CPVL: variants seen among roughly 807,000 people sequenced by gnomAD.
CPVL encodes the protein carboxypeptidase vitellogenic like.
Under a neutral mutation model 63.7 loss-of-function variants are expected in CPVL, and 51 were observed. The ratio of observed to expected loss-of-function variants is 0.80; its 90% CI spans 0.64 to 1.01. The LOEUF is 1.01. Among genes scored for constraint, CPVL ranks in the 50% least tolerant of loss-of-function variants. The pLI is 0.00. For missense variants in CPVL, 530 were observed against 573.1 expected (o/e 0.92, Z 0.77); for synonymous variants, 195 against 206.0 (o/e 0.95, Z 0.46).
At chr7:29,032,997 T>C (rs1788177679) in intron 11 of CPVL, among the ~76,000 whole-genome samples, 1 of 152,226 alleles carries the variant, frequency 6.6e-6, no homozygotes, top group Non-Finnish European at 1.5e-5. Flanking sequence ...ACCAACTCTC[T>C]GGACCAAGAA....
intron 12 of CPVL, among the ~76,000 whole-genome samples, chr7:29,005,678 C>T (rs188847574): frequency 6.6e-6 from 1 of 152,306 alleles, no homozygotes; most frequent in East Asian, 1.9e-4. Context: ...GAAAGCAAGA[C>T]CTTACTTGTC....
intron 5 of CPVL, among the ~76,000 whole-genome samples, chr7:29,160,931 T>A (rs529223745): frequency 6.6e-6 from 1 of 152,352 alleles, no homozygotes; most frequent in South Asian, 2.1e-4. Context: ...TAAATATCTG[T>A]CACCCCTGAG....
At chr7:29,123,179 G>A (rs936521553) in intron 1 of CPVL, among the ~76,000 whole-genome samples, 39 of 152,060 alleles carry the variant, frequency 2.6e-4, no homozygotes, top group Admixed American at 2.5e-3. Flanking sequence ...TTAACGACAT[G>A]CTTATTACAA....
At chr7:29,092,333 GAAAC>G (rs991366186) in intron 6 of CPVL, among the ~76,000 whole-genome samples, 34 of 152,088 alleles carry the variant, frequency 2.2e-4, no homozygotes, top group Admixed American at 1.0e-3. Flanking sequence ...AGAATCCTGA[GAAAC>G]AAACAAATAT....
At chr7:29,111,986 C>T (rs1350822888) in intron 3 of CPVL, among the ~76,000 whole-genome samples, 1 of 152,188 alleles carries the variant, frequency 6.6e-6, no homozygotes, top group Non-Finnish European at 1.5e-5. Context: ...CGCAACAGCA[C>T]CTCTAAGCTA....
intron 3 of CPVL, among the ~76,000 whole-genome samples, chr7:29,108,836 A>C (rs1157781995): frequency 6.6e-6 from 1 of 152,206 alleles, no homozygotes; most frequent in Non-Finnish European, 1.5e-5. Flanking sequence ...TTTCTATCCA[A>C]GCCTGACTTA....
rs184457040 is a variant in CPVL, at chr7:29,065,272, A to C, written c.963+751T>G. On this transcript the variant is annotated intron_variant, in intron 10 of 12. Transcript: ENST00000265394. ...AAATTTTGTTTCTGTCTTGTCTACCACATGTTTTTCTCTTAGTAGAATCTA... is the reference window on the plus strand; with the variant it reads ...AAATTTTGTTTCTGTCTTGTCTACCCCATGTTTTTCTCTTAGTAGAATCTA... Among the ~76,000 whole-genome samples the C allele has an allele frequency of 7.2e-5, 11 of 152,352 alleles. No individual in the cohort carries two copies. The East Asian group carries it at 1.7e-3, about 24-fold the overall frequency.
chr7:28,995,854 A>G lies in CPVL; in HGVS notation c.1349T>C (p.Leu450Ser), dbSNP rs768468978. 1 of 1,600,134 alleles carries G rather than the reference A, an allele frequency of 6.2e-7. No homozygotes were observed. The highest frequency in any genetic ancestry group is 8.5e-7 in the Non-Finnish European group (1 of 1,175,154). The change falls in exon 13 of 13, where the codon TTA becomes TCA. Residue 450 changes from leucine to serine, a missense_variant. By Grantham distance (145) the Leu-to-Ser change is moderately radical. Transcript: ENST00000265394. ...AGCTCTCAGAGGCTGGTCATAGGGT[A>G]AAATATGTCCTCCACCTCGAATAAT... ...QVIIRGGGHILPYDQPLRAFD... is the reference protein window; with the variant it reads ...QVIIRGGGHISPYDQPLRAFD...
At chr7:29,064,275 G>C (rs753800032) in intron 10 of CPVL, 41 bp from the exon 11 acceptor site, 1 of 1,291,200 alleles carries the variant, frequency 7.7e-7, no homozygotes, top group African/African-American at 1.5e-5. Flanking sequence ...GAACATGATT[G>C]GTGGCAGGAA....
chr7:29,087,528 T>G (rs1457064625), intron 6 of CPVL, among the ~76,000 whole-genome samples: 1 of 152,110 alleles, frequency 6.6e-6, no homozygotes, highest in Non-Finnish European at 1.5e-5. Context: ...GACAGTGGAT[T>G]TTTAAATGAT....
chr7:29,031,592 A>G (rs1238182564), intron 11 of CPVL, among the ~76,000 whole-genome samples: 1 of 152,192 alleles, frequency 6.6e-6, no homozygotes, highest in Admixed American at 6.5e-5. Context: ...TTCTGCCCCC[A>G]AACTTAAAAA....
rs189272762 is a variant in CPVL at position 29,169,219 on chromosome 7, G to A, written c.-11+12071C>T. Among the ~76,000 whole-genome samples the A allele has an allele frequency of 1.9e-3, 290 of 152,134 alleles. 2 individuals are homozygous for A. Among genetic ancestry groups the A allele is most frequent in the African/African-American group, 6.8e-3 (281 of 41,500 alleles). ...AAAGGCATGTTACTCAAAATACATGGTTGTACTACGAATAAATGCACTATG... is the reference window on the plus strand; with the variant it reads ...AAAGGCATGTTACTCAAAATACATGATTGTACTACGAATAAATGCACTATG... On this transcript the variant is annotated intron_variant, in intron 5 of 16. Transcript: ENST00000409850.
chr7:29,024,102 C>G (rs952958830), intron 12 of CPVL, among the ~76,000 whole-genome samples: 5 of 151,864 alleles, frequency 3.3e-5, no homozygotes, highest in African/African-American at 1.2e-4. Flanking sequence ...ATCAGAAAAA[C>G]AGTTCATAAT....
intron 2 of CPVL, chr7:29,113,048 G>A (rs574968439): frequency 1.5e-4 from 69 of 445,428 alleles, no homozygotes; most frequent in Non-Finnish European, 2.2e-4. Flanking sequence ...CCTTTGGGGA[G>A]GGGTGCCCAA....
intron 5 of CPVL, among the ~76,000 whole-genome samples, chr7:29,174,828 C>G (rs988254708): frequency 2.0e-5 from 3 of 149,624 alleles, no homozygotes; most frequent in African/African-American, 7.4e-5. Context: ...CCATCGCACT[C>G]CAGCCTGGGC....
intron 7 of CPVL, among the ~76,000 whole-genome samples, chr7:29,083,095 C>T (rs1019654994): frequency 3.9e-5 from 6 of 152,100 alleles, no homozygotes; most frequent in Admixed American, 3.9e-4. Context: ...CTTAAAAAAA[C>T]CTAAAGTGTA....
intron 12 of CPVL, among the ~76,000 whole-genome samples, chr7:29,008,173 T>C (rs1298733221): frequency 1.3e-5 from 2 of 152,210 alleles, no homozygotes; most frequent in African/African-American, 4.8e-5. Context: ...TCTGGGTGCA[T>C]GTTTGGGGGA....
Position 28,995,486 on chromosome 7 carries a change from C to T in CPVL, c.*286G>A. On this transcript the variant is annotated 3_prime_UTR_variant, in exon 13 of 13. Transcript: ENST00000265394. ...TTAGAAGAAATTAAAACTTCCTATTCAAGACCCTAAAATTTCATTTATACA... is the reference window on the plus strand; with the variant it reads ...TTAGAAGAAATTAAAACTTCCTATTTAAGACCCTAAAATTTCATTTATACA... 1 of 292,048 alleles carries T rather than the reference C, an allele frequency of 3.4e-6. No individual in the cohort carries two copies. Among genetic ancestry groups the T allele is most frequent in the East Asian group, 9.3e-5 (1 of 10,724 alleles). The allele number at this position is 292,048 out of a possible 1,614,324, so 18.1% of individuals were successfully genotyped here. A position where few individuals can be genotyped will look rare whatever the true frequency, so the allele number is the denominator to read the frequency against.
At chr7:29,121,158 T>C (rs1789332880) in intron 1 of CPVL, 87 bp from the exon 2 acceptor site, 2 of 1,292,944 alleles carry the variant, frequency 1.5e-6, no homozygotes, top group Non-Finnish European at 2.1e-6. Context: ...ATTTATTCAC[T>C]TAAAAAAAAT....
Sources: gnomAD v4.1 joint callset for allele counts (sites outside exome capture counted in the v4.1 genomes callset) on GRCh38, gnomAD v4.1.1 for gene constraint, MANE v1.5 for transcripts, NCBI Gene and HGNC (gene_info 2026-07-23, HGNC 2026-07-21) for gene names.